The following MRTFA variants were observed in gnomAD, a reference collection of about 807,000 sequenced individuals.
MRTFA encodes the protein myocardin-related transcription factor A.
MRTFA carries 20 observed loss-of-function variants against 83.5 expected under a neutral mutation model. The observed-to-expected ratio is 0.24, with a 90% CI of 0.17 to 0.35. The LOEUF (loss-of-function observed/expected upper bound fraction) is 0.35. Among genes scored for constraint, MRTFA ranks in the 10% least tolerant of loss-of-function variants. The pLI is 1.00. For synonymous variants in MRTFA, 659 were observed against 541.2 expected, an observed-to-expected ratio of 1.22 and a Z score of -3.02; for missense variants, 1,200 against 1,224.7, an observed-to-expected ratio of 0.98 and a Z score of 0.30.
At chr22:40,496,944 TTC>T (rs1396358462) in intron 3 of MRTFA, among the ~76,000 whole-genome samples, 1 of 152,168 alleles carries the variant, frequency 6.6e-6, no homozygotes, top group Non-Finnish European at 1.5e-5. Flanking sequence ...AATGGAATGG[TTC>T]TCTAAGATTT....
chr22:40,578,360 T>TA (rs995862478), intron 2 of MRTFA, among the ~76,000 whole-genome samples: 2 of 151,994 alleles, frequency 1.3e-5, no homozygotes, highest in Admixed American at 1.3e-4. Flanking sequence ...ATCTAAAATA[T>TA]AAAAAAACTC....
intron 4 of MRTFA, among the ~76,000 whole-genome samples, chr22:40,436,804 G>T (rs1602239628): frequency 6.6e-6 from 1 of 152,222 alleles, no homozygotes; most frequent in East Asian, 1.9e-4. Context: ...CTGTGAAACT[G>T]CGAGCAGAGA....
At chr22:40,450,162 A>G (rs1177477685) in intron 4 of MRTFA, among the ~76,000 whole-genome samples, 1 of 152,222 alleles carries the variant, frequency 6.6e-6, no homozygotes, top group Non-Finnish European at 1.5e-5. Flanking sequence ...CCCACTTTAG[A>G]GCAGCTATAG....
At chr22:40,615,139 C>G (rs1413870133) in intron 1 of MRTFA, among the ~76,000 whole-genome samples, 1 of 151,866 alleles carries the variant, frequency 6.6e-6, no homozygotes, top group African/African-American at 2.4e-5. Context: ...ATGTTTAGGT[C>G]TACAAACCAT....
intron 3 of MRTFA, among the ~76,000 whole-genome samples, chr22:40,495,783 T>C (rs913848199): frequency 1.0e-4 from 15 of 144,766 alleles, no homozygotes; most frequent in African/African-American, 2.6e-5. Context: ...AAAAGTACAC[T>C]GTCTGGCTGG....
At chr22:40,608,751 G>C (rs2147408367) in intron 1 of MRTFA, among the ~76,000 whole-genome samples, 1 of 152,274 alleles carries the variant, frequency 6.6e-6, no homozygotes. Context: ...GATGAAGATG[G>C]ACAAGGTCCC....
chr22:40,539,804 C>T (rs764713155), intron 3 of MRTFA, among the ~76,000 whole-genome samples: 8 of 151,442 alleles, frequency 5.3e-5, no homozygotes, highest in African/African-American at 7.3e-5. Context: ...GCCCAGCCGA[C>T]GACAACTATT....
intron 1 of MRTFA, among the ~76,000 whole-genome samples, chr22:40,603,640 C>T (rs1027490257): frequency 6.6e-6 from 1 of 151,654 alleles, no homozygotes; most frequent in African/African-American, 2.4e-5. Context: ...GTGTTTAAAT[C>T]GACTATATTA....
chr22:40,441,829 T>TACACAC (rs200777735), intron 4 of MRTFA, among the ~76,000 whole-genome samples: 20 of 123,000 alleles, frequency 1.6e-4, no homozygotes, highest in African/African-American at 5.5e-4. Context: ...TATATATATA[T>TACACAC]ATACACACAC....
intron 5 of MRTFA, among the ~76,000 whole-genome samples, chr22:40,434,826 A>G (rs2147099694): frequency 6.6e-6 from 1 of 152,296 alleles, no homozygotes; most frequent in African/African-American, 2.4e-5. Context: ...GGAAAAAGTA[A>G]AGGGAGTGTG....
chr22:40,412,040 T>G, intron 14 of MRTFA, 133 bp from the exon 15 acceptor site: 1 of 679,416 alleles, frequency 1.5e-6, no homozygotes, highest in Non-Finnish European at 2.2e-6. Context: ...TACTTAAATG[T>G]AAGAGCTAAG....
intron 2 of MRTFA, among the ~76,000 whole-genome samples, chr22:40,571,138 A>C (rs1210677526): frequency 6.6e-6 from 1 of 151,544 alleles, no homozygotes; most frequent in African/African-American, 2.4e-5. Flanking sequence ...GAGCCCAGGA[A>C]GGTCAAGGTT....
intron 3 of MRTFA, among the ~76,000 whole-genome samples, chr22:40,473,274 C>G (rs1163475696): frequency 6.6e-6 from 1 of 152,146 alleles, no homozygotes; most frequent in Non-Finnish European, 1.5e-5. Context: ...ATCCTCCCAC[C>G]TCAGCCGCCT....
intron 1 of MRTFA, among the ~76,000 whole-genome samples, chr22:40,623,275 G>A (rs987899146): frequency 7.2e-5 from 11 of 151,934 alleles, no homozygotes; most frequent in African/African-American, 2.4e-4. Context: ...TATGTAACAC[G>A]GTGATTGATT....
chr22:40,536,360 C>G (rs1161362945), intron 3 of MRTFA, among the ~76,000 whole-genome samples: 1 of 147,374 alleles, frequency 6.8e-6, no homozygotes, highest in African/African-American at 2.5e-5. Flanking sequence ...GGATGGAGTT[C>G]AGCGGGCAGC....
At chr22:40,482,690 A>G (rs2054110883) in intron 3 of MRTFA, among the ~76,000 whole-genome samples, 1 of 152,166 alleles carries the variant, frequency 6.6e-6, no homozygotes, top group Non-Finnish European at 1.5e-5. Context: ...CTGAGAAAAT[A>G]TGGGCAGCCT....
chr22:40,624,680 G>A (rs1017375713), intron 1 of MRTFA, among the ~76,000 whole-genome samples: 1 of 152,090 alleles, frequency 6.6e-6, no homozygotes, highest in Non-Finnish European at 1.5e-5. Context: ...ATTTTGGAAG[G>A]CATTCAAAAA....
rs760354553 is a variant in MRTFA at position 40,418,574 on chromosome 22, C to A, written c.2164G>T (p.Val722Leu). Residue 722 changes from valine (V) to leucine (L), a missense_variant, in exon 12 of 15, where the codon GTG becomes TTG. By Grantham distance (32) the Val-to-Leu change is conservative. Transcript: ENST00000355630. The stretch of plus-strand genomic sequence containing the variant: ...GGCTGCAAGGCTTCCTGCTTCACCA[C>A]CACGGACGGGGGCCCCGGGGCCACA... The A allele has an allele frequency of 1.2e-5, 18 of 1,556,544 alleles. No homozygotes were observed. The highest frequency in any genetic ancestry group is 1.7e-4 in the Middle Eastern group (1 of 5,766).
At chr22:40,437,803 G>A (rs907018805) in intron 4 of MRTFA, among the ~76,000 whole-genome samples, 1 of 149,106 alleles carries the variant, frequency 6.7e-6, no homozygotes, top group Admixed American at 6.7e-5. Context: ...TACTTTTCTT[G>A]TTTACTCTCA....
Sources: allele counts gnomAD v4.1 joint callset (sites outside exome capture counted in the v4.1 genomes callset), GRCh38; gene constraint gnomAD v4.1.1; transcripts MANE v1.5; gene names NCBI Gene and HGNC (gene_info 2026-07-23, HGNC 2026-07-21).